The following DSCAM variants were observed in gnomAD, a reference collection of about 807,000 sequenced individuals.
DSCAM encodes the protein DS cell adhesion molecule, also known as cell adhesion molecule DSCAM.
DSCAM carries 47 observed loss-of-function variants against 217.7 expected under a neutral mutation model. The observed-to-expected ratio is 0.22, with a 90% CI of 0.17 to 0.28. The LOEUF is 0.28. Ranked by LOEUF, DSCAM falls within the 10% of genes least tolerant of loss-of-function variation. DSCAM has a pLI of 1.00. For synonymous variants in DSCAM, 1,056 were observed against 1,015.3 expected (o/e 1.04, Z -0.76); for missense variants, 2,080 against 2,618.3 (o/e 0.79, Z 4.49).
At chr21:40,044,558 A>C (rs1218414189) in intron 30 of DSCAM, among the ~76,000 whole-genome samples, 2 of 152,216 alleles carry the variant, frequency 1.3e-5, no homozygotes, top group Non-Finnish European at 2.9e-5. Flanking sequence ...TAATAATGTT[A>C]TGACCCTTCT....
chr21:40,706,720 T>C (rs2090721524), intron 2 of DSCAM, among the ~76,000 whole-genome samples: 1 of 152,194 alleles, frequency 6.6e-6, no homozygotes, highest in African/African-American at 2.4e-5. Flanking sequence ...TCTGTACTCA[T>C]ATTTACATAA....
At chr21:40,147,870 C>T (rs1426695527) in intron 16 of DSCAM, among the ~76,000 whole-genome samples, 1 of 151,842 alleles carries the variant, frequency 6.6e-6, no homozygotes, top group Non-Finnish European at 1.5e-5. Context: ...ATTATTGTTT[C>T]CAGGTTTATT....
intron 3 of DSCAM, among the ~76,000 whole-genome samples, chr21:40,639,516 G>A (rs1015639523): frequency 1.3e-5 from 2 of 152,144 alleles, no homozygotes; most frequent in Non-Finnish European, 2.9e-5. Flanking sequence ...AAATTTGAAC[G>A]ATTTTGAAAG....
chr21:40,697,640 G>A (rs1013544193), intron 2 of DSCAM, among the ~76,000 whole-genome samples: 5 of 152,254 alleles, frequency 3.3e-5, no homozygotes, highest in Middle Eastern at 6.8e-3. Context: ...AATGATTTGG[G>A]TATAAGCGCA....
rs183284323 is a variant in DSCAM at position 40,743,643 on chromosome 21, C to T, written c.44-34872G>A. ...AATTAAAATTTGAGATAAAGAAGTACATTTAAAAAAAAATTTTGTGATACA... is the reference window on the plus strand; with the variant it reads ...AATTAAAATTTGAGATAAAGAAGTATATTTAAAAAAAAATTTTGTGATACA... On this transcript the variant is annotated intron_variant, in intron 1 of 32. Coordinates refer to ENST00000400454, the MANE Select transcript of DSCAM (RefSeq NM_001389.5). Among the ~76,000 whole-genome samples the T allele has an allele frequency of 8.1e-4, 123 of 151,996 alleles. 1 individual carries two copies. Among genetic ancestry groups the T allele is most frequent in the Admixed American group, 7.9e-3 (121 of 15,266 alleles).
At chr21:40,245,299 G>T (rs1264422421) in intron 11 of DSCAM, among the ~76,000 whole-genome samples, 2 of 152,182 alleles carry the variant, frequency 1.3e-5, no homozygotes, top group African/African-American at 4.8e-5. Context: ...CTCTGAGTGG[G>T]AGGACCTCTT....
At chr21:40,195,011 G>C (rs964818329) in intron 11 of DSCAM, among the ~76,000 whole-genome samples, 8 of 152,144 alleles carry the variant, frequency 5.3e-5, no homozygotes, top group Non-Finnish European at 8.8e-5. Flanking sequence ...CATCGTACAA[G>C]AGATACTGAG....
rs904471185 is a variant in DSCAM at position 40,586,159 on chromosome 21, T to C, written c.508+106651A>G. On this transcript the variant is annotated intron_variant, in intron 3 of 32. Transcript: ENST00000400454. ...GACATGAGCCAACATGCCTGGTCCG[T>C]GCTCTTTTGTTTCTGTTCTTGCCAT... 2.0e-5 allele frequency among the ~76,000 whole-genome samples: 3 copies of C among 152,150 alleles called. No homozygotes were observed. The East Asian group carries it at 5.8e-4, about 29-fold the overall frequency.
intron 1 of DSCAM, among the ~76,000 whole-genome samples, chr21:40,782,903 G>A (rs1163570447): frequency 6.6e-6 from 1 of 152,150 alleles, no homozygotes. Context: ...GAATTCAGGT[G>A]GGTCACACTT....
chr21:40,691,876 C>T (rs972191227), intron 3 of DSCAM, among the ~76,000 whole-genome samples: 2 of 152,160 alleles, frequency 1.3e-5, no homozygotes, highest in African/African-American at 4.8e-5. Context: ...TCTAGCTAAT[C>T]AATAAGCTGA....
chr21:40,279,431 T>C (rs994458670), intron 10 of DSCAM, among the ~76,000 whole-genome samples: 1 of 152,194 alleles, frequency 6.6e-6, no homozygotes, highest in Non-Finnish European at 1.5e-5. Context: ...TGTGATACCA[T>C]CTCATGCCAG....
chr21:40,300,740 G>C (rs1204714651), intron 9 of DSCAM, among the ~76,000 whole-genome samples: 1 of 152,186 alleles, frequency 6.6e-6, no homozygotes, highest in Non-Finnish European at 1.5e-5. Flanking sequence ...TCAAACATTA[G>C]AGGGCATCAG....
intron 3 of DSCAM, among the ~76,000 whole-genome samples, chr21:40,668,616 C>G (rs8130310): frequency 0.89 from 135,590 of 152,264 alleles, 60,494 homozygotes; most frequent in East Asian, 1. Context: ...CCAAGCTACT[C>G]AATCAGAATC....
intron 27 of DSCAM, among the ~76,000 whole-genome samples, chr21:40,074,521 C>A (rs1279701265): frequency 3.3e-5 from 5 of 152,162 alleles, no homozygotes; most frequent in Admixed American, 3.3e-4. Context: ...GCTTCTCCAG[C>A]CTTCATTATG....
At chr21:40,430,126 A>G (rs74699119) in intron 3 of DSCAM, among the ~76,000 whole-genome samples, 5,705 of 152,296 alleles carry the variant, frequency 0.037, 173 homozygotes, top group Non-Finnish European at 0.054. Context: ...CACTCTGCAC[A>G]TTGCATTTGA....
rs542594655 is a variant in DSCAM, at chr21:40,130,609, C to T, written c.3562+3245G>A. Among the ~76,000 whole-genome samples, 34 of 152,208 alleles carry T rather than the reference C, an allele frequency of 2.2e-4. No individual in the cohort carries two copies. In the South Asian group the frequency reaches 2.7e-3, roughly 12 times the overall value. On this transcript the variant is annotated intron_variant, in intron 19 of 32. Coordinates refer to ENST00000400454, the MANE Select transcript of DSCAM (RefSeq NM_001389.5). The stretch of plus-strand genomic sequence containing the variant: ...TCCGACCACAGACATGAGAATATGT[C>T]CATGCACCGGAGACTATAGTTATGG...
chr21:40,227,338 G>T (rs1395968475), intron 11 of DSCAM, among the ~76,000 whole-genome samples: 2 of 152,164 alleles, frequency 1.3e-5, no homozygotes, highest in Non-Finnish European at 2.9e-5. Flanking sequence ...CAGCCTCCCA[G>T]CTGCCACCTT....
intron 3 of DSCAM, among the ~76,000 whole-genome samples, chr21:40,423,921 T>G (rs1309891306): frequency 2.0e-5 from 3 of 152,158 alleles, no homozygotes; most frequent in Non-Finnish European, 4.4e-5. Flanking sequence ...GGATAAACAT[T>G]TAGAGAAATA....
At chr21:40,428,415 C>T (rs1224622063) in intron 3 of DSCAM, among the ~76,000 whole-genome samples, 1 of 151,950 alleles carries the variant, frequency 6.6e-6, no homozygotes, top group Non-Finnish European at 1.5e-5. Context: ...GGATTACAGG[C>T]ATGCACCACC....
Sources: gnomAD v4.1 joint callset for allele counts (sites outside exome capture counted in the v4.1 genomes callset) on GRCh38, gnomAD v4.1.1 for gene constraint, MANE v1.5 for transcripts, NCBI Gene and HGNC (gene_info 2026-07-23, HGNC 2026-07-21) for gene names.